Variants in PKD1 observed in about 807,000 individuals in gnomAD.
PKD1 encodes the protein polycystin-1.
In PKD1, 81 loss-of-function variants were observed where a neutral mutation model predicts 361.7. The ratio of observed to expected loss-of-function variants is 0.22; its 90% CI spans 0.19 to 0.27. The LOEUF (loss-of-function observed/expected upper bound fraction) is 0.27. Among genes scored for constraint, PKD1 ranks in the 10% least tolerant of loss-of-function variants. The pLI is 1.00. For missense variants in PKD1, 6,399 were observed against 6,118.3 expected, an observed-to-expected ratio of 1.05 and a Z score of -1.53; for synonymous variants, 3,615 against 2,818.3, an observed-to-expected ratio of 1.28 and a Z score of -8.95.
chr16:2,109,359 G>A lies in PKD1; in HGVS notation c.5808C>T (p.Phe1936=). 1.3e-6 allele frequency: 2 copies of A among 1,592,276 alleles called. No individual in the cohort carries two copies. The highest frequency in any genetic ancestry group is 1.7e-6 in the Non-Finnish European group (2 of 1,173,782). The change falls in exon 15 of 46, where the codon TTC becomes TTT. Residue 1936 remains phenylalanine (F), a synonymous_variant. Transcript: ENST00000262304. ...ANPEVLPGPR[F]SHSFPRVGDH... is the part of the protein sequence containing the mutation. Reference sequence around the variant, plus strand: ...CTCCGACGCGGGGGAAGCTGTGGGAGAAACGGGGCCCGGGGAGCACCTCGG... The same window carrying A: ...CTCCGACGCGGGGGAAGCTGTGGGAAAAACGGGGCCCGGGGAGCACCTCGG...
chr16:2,089,981 C>T lies in PKD1; in HGVS notation c.12658G>A (p.Glu4220Lys). ...CGGTCAAACTGGGTGAGCAGGGCCT[C>T]GAACACGGCTTGGAGGCGGGAGGGC... ...PEPSRLQAVF[E>K]ALLTQFDRLN... Residue 4220 changes from glutamate to lysine, a missense_variant, in exon 46 of 46, where the codon GAG becomes AAG. Glu to Lys is a moderately conservative substitution (Grantham distance 56, BLOSUM62 1). Transcript: ENST00000262304. 4 of 1,611,856 alleles carry T rather than the reference C, an allele frequency of 2.5e-6. No homozygotes were observed. The highest frequency in any genetic ancestry group is 3.4e-6 in the Non-Finnish European group (4 of 1,179,636).
rs560759027 is a variant in PKD1 at position 2,097,154 on chromosome 16, C to T, written c.10493G>A (p.Ser3498Asn). The T allele has an allele frequency of 3.2e-5, 49 of 1,548,696 alleles. No individual in the cohort carries two copies. The South Asian group carries it at 5.8e-4, about 18-fold the overall frequency. ...QDTHMETDLL[S>N]SLSSTPGEKT... ...CCGAGAGCCGGACACTCACAGGCTG[C>T]TGAGCAGGTCCGTTTCCATGTGGGT... Residue 3498 changes from serine to asparagine, a missense_variant, in exon 34 of 46, where the codon AGC (serine) becomes AAC (asparagine). Ser to Asn is a conservative substitution (Grantham distance 46, BLOSUM62 1). Transcript: ENST00000262304.
Position 2,111,022 on chromosome 16 carries a change from T to C in PKD1, c.4145A>G (p.Asn1382Ser), listed in dbSNP as rs1206265138. ...TSICVEPEVG[N>S]VTLQPERQFV... ...CTGCCTCTCTGGCTGCAGGGTGACG[T>C]TGCCCACCTCTGGCTCCACGCAGAT... is the stretch of plus-strand genomic sequence containing the variant. Residue 1382 changes from asparagine (N) to serine (S), a missense_variant, in exon 15 of 46, where the codon AAC becomes AGC. Coordinates refer to ENST00000262304, the MANE Select transcript of PKD1 (RefSeq NM_001009944.3). 2 of 1,610,642 alleles carry C rather than the reference T, an allele frequency of 1.2e-6. No homozygotes were observed. Among genetic ancestry groups the C allele is most frequent in the South Asian group, 1.1e-5 (1 of 90,992 alleles).
chr16:2,090,802 G>T lies in PKD1; in HGVS notation c.12010C>A (p.Gln4004Lys). 1 of 1,612,464 alleles carries T rather than the reference G, an allele frequency of 6.2e-7. No homozygotes were observed. The highest frequency in any genetic ancestry group is 8.5e-7 in the Non-Finnish European group (1 of 1,179,946). ...LLFLLLVKAA[Q>K]QLRFVRQWSV... ...CACTGGCGCACGAAGCGTAGCTGCT[G>T]GGCAGCCTGCGGACGAGAAATCTGT... Residue 4004 changes from glutamine (Q) to lysine (K), a missense_variant, in exon 44 of 46, where the codon CAG (glutamine) becomes AAG (lysine). Gln to Lys is a moderately conservative substitution (Grantham distance 53, BLOSUM62 1). Coordinates refer to ENST00000262304, the MANE Select transcript of PKD1 (RefSeq NM_001009944.3).
chr16:2,088,708 T>G lies in PKD1; in HGVS notation c.*1019A>C, dbSNP rs567432587. ...CAGTGCACAGACATAGAGGCACAGATTGCAGTCAGACAGCTCTTTTATTGA... is the reference window on the plus strand; with the variant it reads ...CAGTGCACAGACATAGAGGCACAGAGTGCAGTCAGACAGCTCTTTTATTGA... On this transcript the variant is annotated 3_prime_UTR_variant, in exon 46 of 46. Coordinates refer to ENST00000262304, the MANE Select transcript of PKD1 (RefSeq NM_001009944.3). 4.1e-6 allele frequency: 6 copies of G among 1,461,242 alleles called. No individual in the cohort carries two copies. Among genetic ancestry groups the G allele is most frequent in the Admixed American group, 4.2e-5 (2 of 48,182 alleles). The allele number at this position is 1,461,242 out of a possible 1,614,324, so 90.5% of individuals were successfully genotyped here. A position where few individuals can be genotyped will look rare whatever the true frequency, so the allele number is the denominator to read the frequency against.
In PKD1 at chr16:2,106,083, T is replaced by G; in HGVS notation, c.7703+8A>C. 2.5e-6 allele frequency: 4 copies of G among 1,603,098 alleles called. No homozygotes were observed. Among genetic ancestry groups the G allele is most frequent in the Non-Finnish European group, 3.4e-6 (4 of 1,175,518 alleles). ...GTCTCGGGGGCGCCCTCCCACGGCC[T>G]GGCTCACCTGTTGAGGGCGACCACA... On this transcript the variant is annotated splice_region_variant and intron_variant, in intron 19 of 45. Coordinates refer to ENST00000262304, the MANE Select transcript of PKD1 (RefSeq NM_001009944.3). This position sits in a 1 kb window ranked among gnomAD's most constrained non-coding sequence, Gnocchi z 6.5.
rs142285430 is a variant in PKD1 at position 2,088,881 on chromosome 16, G to GCGCGCACACACACACACACACACACACA, written c.*845_*846insTGTGTGTGTGTGTGTGTGTGTGTGCGCG. On this transcript the variant is annotated 3_prime_UTR_variant, in exon 46 of 46. Transcript: ENST00000262304. ...ACAGCACACTCGCGCGTGCGCGCGC[G>GCGCGCACACACACACACACACACACACA]CACACACACACACACACAGTCACCT... is the stretch of plus-strand genomic sequence containing the variant. 1.2e-5 allele frequency: 5 copies of GCGCGCACACACACACACACACACACACA among 421,482 alleles called. No individual in the cohort carries two copies. The highest frequency in any genetic ancestry group is 9.0e-5 in the African/African-American group (4 of 44,684). The allele number at this position is 421,482 out of a possible 1,614,324, so 26.1% of individuals were successfully genotyped here.
Position 2,106,303 on chromosome 16 carries a change from G to A in PKD1, c.7491C>T (p.Gly2497=), listed in dbSNP as rs1046424280. 18 of 1,609,202 alleles carry A rather than the reference G, an allele frequency of 1.1e-5. No individual in the cohort carries two copies. The highest frequency in any genetic ancestry group is 1.1e-4 in the East Asian group (5 of 44,874). Residue 2497 remains glycine, a splice_region_variant and synonymous_variant, in exon 19 of 46, where the codon GGC becomes GGT. Coordinates refer to ENST00000262304, the MANE Select transcript of PKD1 (RefSeq NM_001009944.3). This position sits in a 1 kb window ranked among gnomAD's most constrained non-coding sequence, Gnocchi z 6.5. ...LTTKVHFECT[G]WHDAEDAGAP... ...CGCCAGCATCCTCCGCGTCATGCCA[G>A]CCTGAGGGACGGTCCCCACGGCATC...
chr16:2,109,726 C>A lies in PKD1; in HGVS notation c.5441G>T (p.Gly1814Val), dbSNP rs766817682. The A allele has an allele frequency of 2.2e-5, 36 of 1,607,134 alleles. 1 individual carries two copies. Among genetic ancestry groups the A allele is most frequent in the Middle Eastern group, 4.5e-4 (2 of 4,466 alleles). The change falls in exon 15 of 46, where the codon GGC (glycine) becomes GTC (valine). Residue 1814 changes from glycine to valine, a missense_variant. By Grantham distance (109) the Gly-to-Val change is moderately radical. Transcript: ENST00000262304. ...GLSIRASEPG[G>V]SFVAAGSSVP... ...AGAGGACCCGGCCGCCACGAAGCTGCCTCCGGGCTCGCTGGCCCTGATGCT... is the reference window on the plus strand; with the variant it reads ...AGAGGACCCGGCCGCCACGAAGCTGACTCCGGGCTCGCTGGCCCTGATGCT...
Position 2,097,645 on chromosome 16 carries a change from G to C in PKD1, c.10220+83C>G, listed in dbSNP as rs891547233. The C allele has an allele frequency of 3.1e-6, 5 of 1,610,496 alleles. No individual in the cohort carries two copies. The African/African-American group carries it at 6.7e-5, about 22-fold the overall frequency. ...GACCACATGGAGCCACAGACACCCA[G>C]CAAGGACACGCAGCCCGCACACCCC... is the stretch of plus-strand genomic sequence containing the variant. On this transcript the variant is annotated intron_variant, in intron 32 of 45. Transcript: ENST00000262304.
Position 2,106,160 on chromosome 16 carries a change from G to T in PKD1, c.7634C>A (p.Pro2545Gln). ...CACGGCCAGGCCCACCTCGAAGTGT[G>T]GCCTGAAACCCGGGGGCAGCACGGC... is the stretch of plus-strand genomic sequence containing the variant. ...YGAVLPPGFRPHFEVGLAVVV... is the reference protein window; with the variant it reads ...YGAVLPPGFRQHFEVGLAVVV... The change falls in exon 19 of 46, where the codon CCA becomes CAA. Residue 2545 changes from proline (P) to glutamine (Q), a missense_variant. Pro to Gln is a moderately conservative substitution (Grantham distance 76). Transcript: ENST00000262304. The surrounding 1 kb of genome is among the most constrained non-coding windows in gnomAD (Gnocchi z 6.5). 6.2e-7 allele frequency: 1 copy of T among 1,608,574 alleles called. No homozygotes were observed.
intron 42 of PKD1, 42 bp downstream of exon 42, chr16:2,091,381 C>T (rs1264161355): frequency 5.6e-6 from 6 of 1,067,002 alleles, no homozygotes; most frequent in Non-Finnish European, 6.8e-6. Flanking sequence ...GGGCGGGACG[C>T]TGCCGGTGGG....
Position 2,090,113 on chromosome 16 carries a change from G to A in PKD1, c.12526C>T (p.Pro4176Ser), listed in dbSNP as rs755976712. 4 of 1,602,084 alleles carry A rather than the reference G, an allele frequency of 2.5e-6. No homozygotes were observed. In the African/African-American group the frequency reaches 4.0e-5, roughly 16 times the overall value. ...SRGSKVSPDV[P>S]PPSAGSDASH... ...GCATCGGAGCCAGCGCTGGGTGGGG[G>A]CACATCCGGGGATACCTTGGAGCCC... Residue 4176 changes from proline to serine, a missense_variant, in exon 46 of 46, where the codon CCC becomes TCC. Coordinates refer to ENST00000262304, the MANE Select transcript of PKD1 (RefSeq NM_001009944.3).
Position 2,109,651 on chromosome 16 carries a change from C to T in PKD1, c.5516G>A (p.Trp1839Ter). The change falls in exon 15 of 46, where the codon TGG (tryptophan) becomes TAG (stop). Residue 1839 changes from tryptophan (W) to a stop codon, truncating the protein, a stop_gained. Coordinates refer to ENST00000262304, the MANE Select transcript of PKD1 (RefSeq NM_001009944.3). LOFTEE classifies it high-confidence loss of function. ...LATGTNVSWC[W>*]AVPGGSSKRG... ...CTTGCTGCTGCCGCCGGGCACAGCC[C>T]AGCACCAGCTCACATTGGTGCCCGT... The T allele has an allele frequency of 6.3e-7, 1 of 1,593,146 alleles. No individual in the cohort carries two copies.
At chr16:2,092,677 G>A in intron 38 of PKD1, 85 bp from the exon 39 acceptor site, 1 of 998,184 alleles carries the variant, frequency 1.0e-6, no homozygotes, top group Non-Finnish European at 1.6e-6. Context: ...CAGGGAACAT[G>A]GCTCCCACTG....
chr16:2,103,514 A>G lies in PKD1; in HGVS notation c.8543T>C (p.Val2848Ala), dbSNP rs2092191294. ...YISNYTVSTK[V>A]ASMAFQTQAG... ...CTGTGTCTGGAATGCCATCGAGGCC[A>G]CCTTGGTGGAGACGGTGTAGTTGCT... is the stretch of plus-strand genomic sequence containing the variant. The change falls in exon 23 of 46, where the codon GTG becomes GCG. Residue 2848 changes from valine (V) to alanine (A), a missense_variant. Val to Ala is a moderately conservative substitution (Grantham distance 64, BLOSUM62 0). Coordinates refer to ENST00000262304, the MANE Select transcript of PKD1 (RefSeq NM_001009944.3). 6.2e-7 allele frequency: 1 copy of G among 1,606,168 alleles called. No individual in the cohort carries two copies. Among genetic ancestry groups the G allele is most frequent in the Non-Finnish European group, 8.5e-7 (1 of 1,179,704 alleles).
rs753597599 is a variant in PKD1, at chr16:2,108,631, A to T, written c.6536T>A (p.Val2179Asp). 6.4e-7 allele frequency: 1 copy of T among 1,560,362 alleles called. No individual in the cohort carries two copies. The highest frequency in any genetic ancestry group is 8.7e-7 in the Non-Finnish European group (1 of 1,153,164). The part of the protein sequence containing the change: ...LEAHVDLRDC[V>D]TYQTEYRWEV... The stretch of plus-strand genomic sequence containing the variant: ...CCAGCGGTACTCAGTCTGGTAGGTG[A>T]CGCAGTCGCGCAGGTCAACGTGGGC... The change falls in exon 15 of 46, where the codon GTC becomes GAC. Residue 2179 changes from valine to aspartate, a missense_variant. Physicochemically the swap from Val to Asp is radical, Grantham distance 152. Coordinates refer to ENST00000262304, the MANE Select transcript of PKD1 (RefSeq NM_001009944.3).
chr16:2,118,089 A>C lies in PKD1; in HGVS notation c.903T>G (p.Thr301=), dbSNP rs2092669120. 2 of 1,607,000 alleles carry C rather than the reference A, an allele frequency of 1.2e-6. No homozygotes were observed. The highest frequency in any genetic ancestry group is 1.7e-6 in the Non-Finnish European group (2 of 1,179,048). The change falls in exon 5 of 46, where the codon ACT becomes ACG. Residue 301 remains threonine, a synonymous_variant. Coordinates refer to ENST00000262304, the MANE Select transcript of PKD1 (RefSeq NM_001009944.3). This position sits in a 1 kb window ranked among gnomAD's most constrained non-coding sequence, Gnocchi z 6.0. ...CGTCTCCGAAGTCCCAGCGTGTGGC[A>C]GTGACAGGGAGCGGGGCAGCGATGT... The part of the protein sequence containing the change: ...AFHIAAPLPV[T]ATRWDFGDGS...
chr16:2,103,066 C>A (rs2092163798), intron 23 of PKD1, 96 bp from the exon 24 acceptor site: 4 of 1,420,842 alleles, frequency 2.8e-6, no homozygotes, highest in Non-Finnish European at 3.9e-6. Flanking sequence ...CTGCCACGGG[C>A]CTGAAAGGCC....
Sources: allele counts gnomAD v4.1 joint callset, GRCh38; gene constraint gnomAD v4.1.1; non-coding constraint Gnocchi (gnomAD v3.1); transcripts MANE v1.5; gene names NCBI Gene and HGNC (gene_info 2026-07-23, HGNC 2026-07-21).